The following CACNA1A variants were observed in gnomAD, a reference collection of about 807,000 sequenced individuals.
CACNA1A encodes voltage-dependent P/Q-type calcium channel subunit alpha-1A.
Under a neutral mutation model 262.4 loss-of-function variants are expected in CACNA1A, and 57 were observed. The observed-to-expected ratio is 0.22, with a 90% CI of 0.18 to 0.27. CACNA1A has a LOEUF of 0.27. Among genes scored for constraint, CACNA1A ranks in the 10% least tolerant of loss-of-function variants. The probability of loss-of-function intolerance (pLI) is 1.00; values close to 1 mark genes in which losing one functional copy is unlikely to be tolerated. For missense variants in CACNA1A, 2,526 were observed against 3,562.8 expected (o/e 0.71, Z 7.41); for synonymous variants, 1,431 against 1,419.3 (o/e 1.01, Z -0.18).
At chr19:13,345,895 C>CTTTTTTTTTTTTT in intron 6 of CACNA1A, among the ~76,000 whole-genome samples, 1 of 100,532 alleles carries the variant, frequency 9.9e-6, no homozygotes, top group Non-Finnish European at 2.0e-5. Flanking sequence ...TTCACGAAGT[C>CTTTTTTTTTTTTT]TTTTTTTTTT....
intron 43 of CACNA1A, chr19:13,211,784 C>T: frequency 5.9e-6 from 2 of 341,608 alleles, no homozygotes; most frequent in Non-Finnish European, 1.1e-5. Context: ...AACCCTGCTG[C>T]ACCCACAAAT....
intron 15 of CACNA1A, among the ~76,000 whole-genome samples, chr19:13,306,933 C>T (rs955508236): frequency 2.6e-5 from 4 of 152,088 alleles, no homozygotes; most frequent in Non-Finnish European, 4.4e-5. Flanking sequence ...GCATGGTGTG[C>T]TCCTTCTCTG....
chr19:13,318,603 C>T (rs762631034), intron 10 of CACNA1A, among the ~76,000 whole-genome samples: 2 of 151,984 alleles, frequency 1.3e-5, no homozygotes, highest in Non-Finnish European at 2.9e-5. Flanking sequence ...TGACTGAACC[C>T]ATCCAGGCAA....
rs1333272568 is a variant in CACNA1A, at chr19:13,402,875, T to TAC, written c.540-31097_540-31096insGT. On this transcript the variant is annotated intron_variant, in intron 3 of 46. Coordinates refer to ENST00000360228, the MANE Select transcript of CACNA1A (RefSeq NM_001127222.2). Reference sequence around the variant, plus strand: ...ATATATATACACACACACACACACATATATATATATATATATATATATATA... The same window carrying TAC: ...ATATATATACACACACACACACACATACATATATATATATATATATATATATA... 2.9e-3 allele frequency among the ~76,000 whole-genome samples: 62 copies of TAC among 21,590 alleles called. No individual in the cohort carries two copies. The South Asian group carries it at 0.056, about 19-fold the overall frequency. The allele number at this position is 21,590 out of a possible 152,430, so 14.2% of individuals were successfully genotyped here.
intron 3 of CACNA1A, among the ~76,000 whole-genome samples, chr19:13,373,788 C>G (rs536489921): frequency 6.6e-6 from 1 of 152,206 alleles, no homozygotes; most frequent in Non-Finnish European, 1.5e-5. Context: ...TTGGGCTGAC[C>G]TTTTCCACCA....
intron 38 of CACNA1A, among the ~76,000 whole-genome samples, chr19:13,220,503 C>T (rs147534202): frequency 0.01 from 1,588 of 152,254 alleles, 30 homozygotes; most frequent in African/African-American, 0.036. Flanking sequence ...ATTCTGCCAA[C>T]ACCTGAATGA....
intron 6 of CACNA1A, among the ~76,000 whole-genome samples, chr19:13,336,442 G>T (rs1156267515): frequency 6.6e-6 from 1 of 151,840 alleles, no homozygotes; most frequent in East Asian, 1.9e-4. Context: ...AGAAGTTTCA[G>T]CTCAATTTTC....
chr19:13,240,456 A>G (rs1264435192), intron 31 of CACNA1A, among the ~76,000 whole-genome samples: 5 of 149,716 alleles, frequency 3.3e-5, no homozygotes, highest in African/African-American at 5.0e-5. Flanking sequence ...ATGTGTGCAC[A>G]GTGACTGTGC....
At chr19:13,464,405 T>C (rs1346515043) in intron 1 of CACNA1A, among the ~76,000 whole-genome samples, 1 of 151,992 alleles carries the variant, frequency 6.6e-6, no homozygotes, top group Non-Finnish European at 1.5e-5. Context: ...TCTCTTAAAA[T>C]AAATAAATAC....
At chr19:13,386,548 G>A (rs377034002) in intron 3 of CACNA1A, among the ~76,000 whole-genome samples, 16 of 152,130 alleles carry the variant, frequency 1.1e-4, no homozygotes, top group East Asian at 5.8e-4. Context: ...CAGCCCTTTG[G>A]GAGGCCGAGG....
chr19:13,212,747 A>C lies in CACNA1A; in HGVS notation c.5941-7T>G, dbSNP rs769833408. 12 of 1,472,210 alleles carry C rather than the reference A, an allele frequency of 8.2e-6. No homozygotes were observed. Among genetic ancestry groups the C allele is most frequent in the Non-Finnish European group, 1.1e-5 (12 of 1,103,166 alleles). The allele number at this position is 1,472,210 out of a possible 1,614,324, so 91.2% of individuals were successfully genotyped here. On this transcript the variant is annotated splice_region_variant and splice_polypyrimidine_tract_variant and intron_variant, in intron 40 of 46. Transcript: ENST00000360228. This position sits in a 1 kb window ranked among gnomAD's most constrained non-coding sequence, Gnocchi z 5.6. ...ACATGAGGGGTGTCCGGTCCTGGGGAATGGGGCAGAGAGCAGTGTGTGGAC... is the reference window on the plus strand; with the variant it reads ...ACATGAGGGGTGTCCGGTCCTGGGGCATGGGGCAGAGAGCAGTGTGTGGAC...
chr19:13,415,894 C>T (rs2060212398), intron 3 of CACNA1A, among the ~76,000 whole-genome samples: 1 of 151,852 alleles, frequency 6.6e-6, no homozygotes, highest in African/African-American at 2.4e-5. Context: ...GATCTGGGAT[C>T]AGAAGACCAG....
At chr19:13,367,571 C>T (rs1438035922) in intron 4 of CACNA1A, among the ~76,000 whole-genome samples, 7 of 151,396 alleles carry the variant, frequency 4.6e-5, no homozygotes, top group Admixed American at 2.0e-4. Context: ...ACTAAAAATA[C>T]AAAAAAATTA....
rs560196415 is a variant in CACNA1A at position 13,263,696 on chromosome 19, T to C, written c.3990-863A>G. ...CCACCATGCCCAGCTAACTTTTGTATTTTTAGTAGAGATGGGGCTTCACCA... is the reference window on the plus strand; with the variant it reads ...CCACCATGCCCAGCTAACTTTTGTACTTTTAGTAGAGATGGGGCTTCACCA... On this transcript the variant is annotated intron_variant, in intron 24 of 46. Transcript: ENST00000360228. 5.3e-4 allele frequency among the ~76,000 whole-genome samples: 81 copies of C among 151,840 alleles called. 2 individuals carry two copies. The highest frequency in any genetic ancestry group is 2.3e-3 in the South Asian group (11 of 4,812).
chr19:13,307,858 C>T lies in CACNA1A; in HGVS notation c.1914-4G>A, dbSNP rs191026552. On this transcript the variant is annotated splice_polypyrimidine_tract_variant and splice_region_variant and intron_variant, in intron 14 of 46. Transcript: ENST00000360228. ...AGTCCCTTCATCGAAATTAAACCTG[C>T]AGGGAGGACACAGACATTTCACGTT... 1,419 of 1,613,304 alleles carry T rather than the reference C, an allele frequency of 8.8e-4. 17 individuals are homozygous for T. Among genetic ancestry groups the T allele is most frequent in the Middle Eastern group, 4.9e-4 (3 of 6,062 alleles).
intron 6 of CACNA1A, among the ~76,000 whole-genome samples, chr19:13,354,383 A>G (rs1011717201): frequency 1.3e-5 from 2 of 152,216 alleles, no homozygotes; most frequent in Middle Eastern, 3.2e-3. Context: ...GCCTATGGCC[A>G]AACAGATCGA....
intron 1 of CACNA1A, among the ~76,000 whole-genome samples, chr19:13,466,353 C>A (rs2061238785): frequency 1.4e-5 from 2 of 148,142 alleles, no homozygotes. Flanking sequence ...CGGAGTCTTG[C>A]ACCTAACCTG....
intron 3 of CACNA1A, among the ~76,000 whole-genome samples, chr19:13,413,100 G>GTTTTTTTTTT (rs143741127): frequency 8.7e-6 from 1 of 114,774 alleles, no homozygotes; most frequent in Non-Finnish European, 1.6e-5. Flanking sequence ...AAAGTTTTTT[G>GTTTTTTTTTT]TTTTTTTTTT....
intron 20 of CACNA1A, 98 bp from the exon 21 acceptor site, chr19:13,285,304 A>G (rs1333484926): frequency 1.1e-5 from 15 of 1,373,318 alleles, no homozygotes; most frequent in Non-Finnish European, 1.4e-5. Flanking sequence ...AGCGGCTGAC[A>G]TTTCTAAAGT....
Sources: allele counts gnomAD v4.1 joint callset (sites outside exome capture counted in the v4.1 genomes callset), GRCh38; gene constraint gnomAD v4.1.1; non-coding constraint Gnocchi (gnomAD v3.1); transcripts MANE v1.5; gene names NCBI Gene and HGNC (gene_info 2026-07-23, HGNC 2026-07-21).